Variants in CAMK2G observed in about 807,000 individuals in gnomAD.
CAMK2G encodes calcium/calmodulin-dependent protein kinase type II subunit gamma.
In CAMK2G, 23 loss-of-function variants were observed where a neutral mutation model predicts 88.7. The observed-to-expected ratio is 0.26, with a 90% confidence interval of 0.19 to 0.37. CAMK2G has a LOEUF of 0.37. Ranked by LOEUF, CAMK2G falls within the 10% of genes least tolerant of loss-of-function variation. The pLI, the probability that CAMK2G is intolerant of heterozygous loss-of-function variation, is 1.00. For missense variants in CAMK2G, 476 were observed against 780.8 expected (o/e 0.61, Z 4.65); for synonymous variants, 263 against 294.8 (o/e 0.89, Z 1.11).
At chr10:73,866,539 C>A (rs540256761) in intron 2 of CAMK2G, among the ~76,000 whole-genome samples, 2 of 152,260 alleles carry the variant, frequency 1.3e-5, no homozygotes, top group South Asian at 2.1e-4. Flanking sequence ...ATCCTCTGTA[C>A]GTGGGAAAGG....
intron 12 of CAMK2G, among the ~76,000 whole-genome samples, chr10:73,841,651 G>C (rs565394859): frequency 6.6e-6 from 1 of 152,262 alleles, no homozygotes; most frequent in East Asian, 1.9e-4. Context: ...GTTATAGCTA[G>C]TATCTCAGGG....
intron 14 of CAMK2G, among the ~76,000 whole-genome samples, chr10:73,836,295 G>A (rs547904580): frequency 2.0e-4 from 30 of 152,234 alleles, no homozygotes; most frequent in African/African-American, 5.1e-4. Flanking sequence ...CTCCAGGTGC[G>A]GCCCCCTTCC....
At chr10:73,868,864 A>C (rs1024866303) in intron 2 of CAMK2G, among the ~76,000 whole-genome samples, 1 of 152,210 alleles carries the variant, frequency 6.6e-6, no homozygotes, top group Non-Finnish European at 1.5e-5. Flanking sequence ...AGCTGGACCC[A>C]GAAAGGGACA....
intron 2 of CAMK2G, among the ~76,000 whole-genome samples, chr10:73,865,836 C>T (rs1346112871): frequency 6.6e-6 from 1 of 152,138 alleles, no homozygotes; most frequent in Non-Finnish European, 1.5e-5. Flanking sequence ...CTCCTCCACG[C>T]ACCTTTCTAC....
chr10:73,828,218 G>C (rs1208014129), intron 14 of CAMK2G, 97 bp from the exon 15 acceptor site: 13 of 997,854 alleles, frequency 1.3e-5, no homozygotes, highest in South Asian at 1.3e-5. Flanking sequence ...TGTGGGCTCT[G>C]CATCAGGGAG....
At chr10:73,829,267 T>TTTA (rs1236179145) in intron 14 of CAMK2G, among the ~76,000 whole-genome samples, 1 of 39,744 alleles carries the variant, frequency 2.5e-5, no homozygotes, top group Non-Finnish European at 4.7e-5. Flanking sequence ...ACATTGGCCT[T>TTTA]TTATTTATTT....
At chr10:73,815,675 A>G (rs938583352) in intron 21 of CAMK2G, among the ~76,000 whole-genome samples, 5 of 152,198 alleles carry the variant, frequency 3.3e-5, no homozygotes, top group Non-Finnish European at 2.9e-5. Flanking sequence ...CTGAGTTTAG[A>G]TTTCATAAGG....
chr10:73,860,756 C>T, intron 3 of CAMK2G, 74 bp downstream of exon 3: 1 of 1,091,620 alleles, frequency 9.2e-7, no homozygotes, highest in Non-Finnish European at 1.4e-6. Context: ...TGATCCCACA[C>T]ACAAAAGCAG....
intron 13 of CAMK2G, 135 bp from the exon 14 acceptor site, chr10:73,837,646 C>T: frequency 1.3e-6 from 1 of 772,024 alleles, no homozygotes; most frequent in Non-Finnish European, 2.4e-6. Context: ...CCAAAAGAGG[C>T]ACTTCCTATA....
At chr10:73,847,725 G>T (rs112971678) in intron 9 of CAMK2G, among the ~76,000 whole-genome samples, 1 of 152,160 alleles carries the variant, frequency 6.6e-6, no homozygotes, top group African/African-American at 2.4e-5. Context: ...CAATGAGGCC[G>T]CTCCATTCTT....
rs1342376919 is a variant in CAMK2G, at chr10:73,839,405, G to C, written c.1009+134C>G. The C allele has an allele frequency of 2.3e-6, 1 of 435,328 alleles. No homozygotes were observed. The highest frequency in any genetic ancestry group is 3.8e-6 in the Non-Finnish European group (1 of 260,872). 27.0% of individuals were successfully genotyped at this position (435,328 alleles called of 1,614,324 possible). A position where few individuals can be genotyped will look rare whatever the true frequency, so the allele number is the denominator to read the frequency against. ...GCGCTTGCAGATGCCAAGTTAGGTA[G>C]TCTGTCTGGCATGCCCATCTCAGCC... On this transcript the variant is annotated intron_variant, in intron 13 of 22. Coordinates refer to ENST00000423381, the MANE Select transcript of CAMK2G (RefSeq NM_001367534.1). This position sits in a 1 kb window ranked among gnomAD's most constrained non-coding sequence, Gnocchi z 4.2.
At chr10:73,818,636 C>T (rs1488878607) in intron 19 of CAMK2G, 2 of 451,092 alleles carry the variant, frequency 4.4e-6, no homozygotes, top group Admixed American at 4.7e-5. Context: ...CAGGAGGGGG[C>T]CCCACAGCCG....
Position 73,874,477 on chromosome 10 carries a change from G to A in CAMK2G, c.-16C>T. On this transcript the variant is annotated 5_prime_UTR_variant, in exon 1 of 23. Transcript: ENST00000423381. ...TGGTGGCCATGCTGGCGGGCGGGCG[G>A]ACGCGGCGGTGCAGCCCGCGCCGAC... 2 of 1,486,812 alleles carry A rather than the reference G, an allele frequency of 1.3e-6. No homozygotes were observed. The highest frequency in any genetic ancestry group is 1.8e-6 in the Non-Finnish European group (2 of 1,107,648). The allele number at this position is 1,486,812 out of a possible 1,614,324, so 92.1% of individuals were successfully genotyped here.
chr10:73,858,624 T>C (rs1439184829), intron 3 of CAMK2G, among the ~76,000 whole-genome samples: 3 of 152,116 alleles, frequency 2.0e-5, no homozygotes, highest in Non-Finnish European at 2.9e-5. Flanking sequence ...AGCACAGTTC[T>C]AGGAAATCAG....
chr10:73,873,294 C>T, intron 1 of CAMK2G: 2 of 1,284,352 alleles, frequency 1.6e-6, no homozygotes, highest in South Asian at 1.5e-5. Context: ...GGTGGCGTGC[C>T]GCGCTCCCAC....
intron 3 of CAMK2G, among the ~76,000 whole-genome samples, chr10:73,858,850 C>T (rs1021207622): frequency 6.6e-6 from 1 of 152,158 alleles, no homozygotes; most frequent in African/African-American, 2.4e-5. Context: ...TATTTTTGTC[C>T]TTCCTGCTCA....
chr10:73,818,527 A>C (rs2086543972), intron 19 of CAMK2G: 1 of 366,924 alleles, frequency 2.7e-6, no homozygotes. Context: ...AAAGGCTGCA[A>C]GACAACTGCA....
chr10:73,817,121 C>G lies in CAMK2G; in HGVS notation c.1440-4G>C. 6.3e-7 allele frequency: 1 copy of G among 1,587,462 alleles called. No homozygotes were observed. On this transcript the variant is annotated splice_region_variant and splice_polypyrimidine_tract_variant and intron_variant, in intron 20 of 22. Transcript: ENST00000423381. ...GAGGCCTGGATCACAAATCTTCCTA[C>G]AGGGAGAAAAAAAAAAGCAGCCTAT...
chr10:73,819,744 T>C (rs2133263495), intron 18 of CAMK2G, 99 bp from the exon 19 acceptor site: 1 of 733,624 alleles, frequency 1.4e-6, no homozygotes, highest in Non-Finnish European at 2.2e-6. Flanking sequence ...CCCGAGCCCA[T>C]GGCGCTGCAG....
Sources: gnomAD v4.1 joint callset for allele counts (sites outside exome capture counted in the v4.1 genomes callset) on GRCh38, gnomAD v4.1.1 for gene constraint, Gnocchi (gnomAD v3.1) non-coding constraint, MANE v1.5 for transcripts, NCBI Gene and HGNC (gene_info 2026-07-23, HGNC 2026-07-21) for gene names.